The following DLG2 variants were observed in gnomAD, a reference collection of about 807,000 sequenced individuals.
DLG2 encodes disks large homolog 2.
In DLG2, 45 loss-of-function variants were observed where a neutral mutation model predicts 132.5. The observed-to-expected ratio is 0.34, with a 90% CI of 0.27 to 0.44. The LOEUF (loss-of-function observed/expected upper bound fraction) is 0.44. DLG2 is among the 20% of genes least tolerant of loss of function. DLG2 has a pLI of 1.00. For synonymous variants in DLG2, 424 were observed against 419.6 expected (o/e 1.01, Z -0.13); for missense variants, 1,045 against 1,196.9 (o/e 0.87, Z 1.87).
chr11:84,670,505 C>A (rs2099704593), intron 6 of DLG2, among the ~76,000 whole-genome samples: 1 of 152,152 alleles, frequency 6.6e-6, no homozygotes, highest in South Asian at 2.1e-4. Flanking sequence ...CCAGAGGCTA[C>A]AGAACACACA....
intron 3 of DLG2, among the ~76,000 whole-genome samples, chr11:85,550,404 C>T (rs984419838): frequency 3.3e-5 from 5 of 152,258 alleles, no homozygotes; most frequent in Non-Finnish European, 7.3e-5. Context: ...GTGCTGCCAG[C>T]GCGCAAAGGT....
intron 6 of DLG2, among the ~76,000 whole-genome samples, chr11:84,692,133 C>T (rs1001832229): frequency 2.6e-5 from 4 of 151,642 alleles, no homozygotes; most frequent in African/African-American, 4.8e-5. Context: ...CATGTGTAGG[C>T]GCGCGACAGA....
chr11:85,046,931 G>A (rs538467253), intron 6 of DLG2, among the ~76,000 whole-genome samples: 1 of 151,724 alleles, frequency 6.6e-6, no homozygotes, highest in African/African-American at 2.4e-5. Flanking sequence ...CTGCAGTAAA[G>A]AGATATGTTC....
At position 85,486,380 on chromosome 11, in the gene DLG2, A is replaced by T. The variant is rs191808122; in HGVS notation, c.40+112277T>A. Reference sequence around the variant, plus strand: ...GCACAGCCACCAAAGCCCACAGGGAACATTCCACCAGTACACTGGAAATCA... The same window carrying T: ...GCACAGCCACCAAAGCCCACAGGGATCATTCCACCAGTACACTGGAAATCA... On this transcript the variant is annotated intron_variant, in intron 3 of 27. Transcript: ENST00000376104. Among the ~76,000 whole-genome samples the T allele has an allele frequency of 9.8e-5, 15 of 152,308 alleles. No homozygotes were observed. The East Asian group carries it at 2.9e-3, about 29-fold the overall frequency.
At chr11:84,749,670 A>G (rs564128856) in intron 6 of DLG2, among the ~76,000 whole-genome samples, 31 of 152,262 alleles carry the variant, frequency 2.0e-4, no homozygotes, top group African/African-American at 6.3e-4. Flanking sequence ...TGCATTTCTC[A>G]GAACCTATCC....
At chr11:84,423,956 T>C (rs780698837) in intron 7 of DLG2, among the ~76,000 whole-genome samples, 5 of 152,158 alleles carry the variant, frequency 3.3e-5, no homozygotes, top group Non-Finnish European at 5.9e-5. Flanking sequence ...GAAGTATCTA[T>C]ATAATTGAGC....
At chr11:85,510,903 C>T (rs2094049884) in intron 3 of DLG2, among the ~76,000 whole-genome samples, 1 of 152,140 alleles carries the variant, frequency 6.6e-6, no homozygotes, top group South Asian at 2.1e-4. Context: ...AATCATGCTG[C>T]TATAAAGACA....
At chr11:84,205,377 T>C (rs1374976867) in intron 8 of DLG2, among the ~76,000 whole-genome samples, 1 of 152,156 alleles carries the variant, frequency 6.6e-6, no homozygotes, top group Non-Finnish European at 1.5e-5. Flanking sequence ...ATAATACTAT[T>C]GACCAAATTG....
intron 6 of DLG2, among the ~76,000 whole-genome samples, chr11:84,615,554 G>T (rs868606185): frequency 2.8e-4 from 43 of 151,950 alleles, no homozygotes; most frequent in Middle Eastern, 3.4e-3. Flanking sequence ...ACAATGATTG[G>T]ACACAGTCCT....
chr11:84,705,189 T>C (rs569539511), intron 6 of DLG2, among the ~76,000 whole-genome samples: 16 of 151,660 alleles, frequency 1.1e-4, no homozygotes, highest in Admixed American at 2.6e-4. Context: ...ACACAGGGAC[T>C]GGGAATTCTA....
At chr11:83,992,663 T>C (rs2093789288) in intron 11 of DLG2, among the ~76,000 whole-genome samples, 2 of 152,126 alleles carry the variant, frequency 1.3e-5, no homozygotes, top group South Asian at 4.1e-4. Flanking sequence ...TTAATGTACA[T>C]TCAGCCCTTG....
chr11:84,055,088 C>G (rs553526617), intron 11 of DLG2, among the ~76,000 whole-genome samples: 15 of 152,030 alleles, frequency 9.9e-5, no homozygotes, highest in Non-Finnish European at 1.5e-4. Context: ...GGTTTTTAGA[C>G]AGACCTTCTC....
At chr11:83,481,431 GT>G (rs1342153427) in intron 22 of DLG2, among the ~76,000 whole-genome samples, 1 of 151,944 alleles carries the variant, frequency 6.6e-6, no homozygotes, top group Non-Finnish European at 1.5e-5. Flanking sequence ...AATAACATCA[GT>G]TTTTTAAAAA....
intron 10 of DLG2, among the ~76,000 whole-genome samples, chr11:84,093,776 C>T (rs947210025): frequency 5.9e-5 from 9 of 151,460 alleles, no homozygotes; most frequent in Non-Finnish European, 7.4e-5. Flanking sequence ...CACAACACCC[C>T]GCTAATTTTT....
intron 7 of DLG2, among the ~76,000 whole-genome samples, chr11:84,385,571 TC>T (rs1343182721): frequency 1.3e-5 from 2 of 152,084 alleles, no homozygotes; most frequent in Non-Finnish European, 2.9e-5. Flanking sequence ...AGGTGGTGCC[TC>T]CTTTGGGGAA....
chr11:85,178,367 A>G (rs1393850974), intron 4 of DLG2, among the ~76,000 whole-genome samples: 5 of 151,984 alleles, frequency 3.3e-5, no homozygotes, highest in African/African-American at 1.2e-4. Flanking sequence ...AATCTGAGTA[A>G]AAGTTATACA....
At chr11:84,234,128 T>C (rs1306450274) in intron 8 of DLG2, among the ~76,000 whole-genome samples, 1 of 152,076 alleles carries the variant, frequency 6.6e-6, no homozygotes, top group Non-Finnish European at 1.5e-5. Context: ...CCACTGCACA[T>C]GTGGACAGCC....
At chr11:83,783,603 T>A (rs1292544585) in intron 18 of DLG2, among the ~76,000 whole-genome samples, 1 of 152,168 alleles carries the variant, frequency 6.6e-6, no homozygotes, top group Non-Finnish European at 1.5e-5. Flanking sequence ...GTTCATCAAC[T>A]CTTTAAGAAA....
chr11:84,660,089 A>G (rs2099692888), intron 6 of DLG2, among the ~76,000 whole-genome samples: 1 of 152,074 alleles, frequency 6.6e-6, no homozygotes, highest in Non-Finnish European at 1.5e-5. Flanking sequence ...CATACTGTTC[A>G]TAAGGCTGAA....
Sources: allele counts gnomAD v4.1 joint callset (sites outside exome capture counted in the v4.1 genomes callset), GRCh38; gene constraint gnomAD v4.1.1; transcripts MANE v1.5; gene names NCBI Gene and HGNC (gene_info 2026-07-23, HGNC 2026-07-21).